The following ABTB3 variants were observed in gnomAD, a reference collection of about 807,000 sequenced individuals.
The protein encoded by ABTB3 is ankyrin repeat and BTB domain containing 3, also known as ankyrin repeat- and BTB/POZ domain-containing protein 3.
At chr12:107,591,920 A>G in the ABTB3 span, among the ~76,000 whole-genome samples, 1 of 152,218 alleles carries the variant, frequency 6.6e-6, no homozygotes, top group Non-Finnish European at 1.5e-5. Context: ...CCCATCTGGA[A>G]TATAAGTCAG....
chr12:107,378,819 C>G, the ABTB3 span, among the ~76,000 whole-genome samples: 1 of 152,208 alleles, frequency 6.6e-6, no homozygotes, highest in Admixed American at 6.5e-5. Context: ...GGGTCTTTGG[C>G]TGCATGCCAT....
At chr12:107,477,949 C>T in the ABTB3 span, among the ~76,000 whole-genome samples, 10 of 152,146 alleles carry the variant, frequency 6.6e-5, no homozygotes, top group African/African-American at 1.9e-4. Flanking sequence ...TCAGGACAAG[C>T]AAACTATGTC....
At chr12:107,643,041 G>C in the ABTB3 span, among the ~76,000 whole-genome samples, 9 of 152,076 alleles carry the variant, frequency 5.9e-5, no homozygotes, top group African/African-American at 1.7e-4. Context: ...GCACATGAAG[G>C]CTGTGTAGTC....
the ABTB3 span, among the ~76,000 whole-genome samples, chr12:107,582,597 A>T: frequency 6.6e-6 from 1 of 152,206 alleles, no homozygotes; most frequent in Admixed American, 6.5e-5. Context: ...TGTGACGGTT[A>T]TCAATTGCAA....
chr12:107,467,058 T>C, the ABTB3 span, among the ~76,000 whole-genome samples: 1 of 152,058 alleles, frequency 6.6e-6, no homozygotes, highest in African/African-American at 2.4e-5. Flanking sequence ...AGGATAAAAG[T>C]CAGGGTATTC....
At chr12:107,514,165 A>G in the ABTB3 span, among the ~76,000 whole-genome samples, 1 of 152,222 alleles carries the variant, frequency 6.6e-6, no homozygotes, top group East Asian at 1.9e-4. Context: ...CACAGAGGGC[A>G]GCTGCAGGAT....
chr12:107,413,159 A>C, the ABTB3 span, among the ~76,000 whole-genome samples: 60 of 152,236 alleles, frequency 3.9e-4, no homozygotes, highest in Admixed American at 7.2e-4. Context: ...CTGTAATCCC[A>C]GCTACTCAGG....
the ABTB3 span, among the ~76,000 whole-genome samples, chr12:107,380,187 G>A: frequency 6.6e-6 from 1 of 152,210 alleles, no homozygotes. Context: ...ACGAATGGGT[G>A]TCACTGGCCT....
chr12:107,543,554 T>C, the ABTB3 span, among the ~76,000 whole-genome samples: 1 of 152,138 alleles, frequency 6.6e-6, no homozygotes, highest in Admixed American at 6.5e-5. Context: ...ATAGAGAGCA[T>C]AGCCCATTCT....
chr12:107,333,166 G>C, the ABTB3 span, among the ~76,000 whole-genome samples: 2 of 152,284 alleles, frequency 1.3e-5, no homozygotes, highest in East Asian at 3.9e-4. Context: ...TGTATAAACA[G>C]AAGGCAGGGG....
the ABTB3 span, among the ~76,000 whole-genome samples, chr12:107,373,307 C>G: frequency 6.6e-6 from 1 of 152,086 alleles, no homozygotes; most frequent in African/African-American, 2.4e-5. Context: ...AAAGGCTGTT[C>G]CTAAATGTTT....
chr12:107,607,971 TC>T, the ABTB3 span, among the ~76,000 whole-genome samples: 1 of 152,060 alleles, frequency 6.6e-6, no homozygotes, highest in Non-Finnish European at 1.5e-5. Flanking sequence ...CACCCTTACT[TC>T]CACCACAAAG....
the ABTB3 span, among the ~76,000 whole-genome samples, chr12:107,479,475 T>C: frequency 6.6e-6 from 1 of 152,034 alleles, no homozygotes; most frequent in South Asian, 2.1e-4. Flanking sequence ...TATAGGGCTG[T>C]TGTGAGGGTT....
At chr12:107,405,744 G>C in the ABTB3 span, among the ~76,000 whole-genome samples, 1 of 152,250 alleles carries the variant, frequency 6.6e-6, no homozygotes, top group Non-Finnish European at 1.5e-5. Context: ...AGCCAAAGAA[G>C]TCTTCCTGCC....
chr12:107,418,310 A>T, the ABTB3 span, among the ~76,000 whole-genome samples: 42 of 152,158 alleles, frequency 2.8e-4, 1 homozygote, highest in South Asian at 8.7e-3. Flanking sequence ...CAGCTTTGGG[A>T]CTCGGACTGG....
chr12:107,491,616 A>C, the ABTB3 span, among the ~76,000 whole-genome samples: 59 of 152,274 alleles, frequency 3.9e-4, no homozygotes, highest in African/African-American at 1.3e-3. Flanking sequence ...GGAGGCCAGG[A>C]GTTTGAGACC....
the ABTB3 span, among the ~76,000 whole-genome samples, chr12:107,454,492 G>C: frequency 6.6e-6 from 1 of 152,208 alleles, no homozygotes; most frequent in Admixed American, 6.5e-5. Context: ...ACTTTCCATA[G>C]AATAGCAGAA....
the ABTB3 span, among the ~76,000 whole-genome samples, chr12:107,540,719 C>A: frequency 6.6e-6 from 1 of 152,074 alleles, no homozygotes; most frequent in Admixed American, 6.5e-5. Context: ...TGCTGTGGCT[C>A]ACTCATATAA....
the ABTB3 span, chr12:107,613,012 C>A: frequency 3.8e-6 from 3 of 794,012 alleles, no homozygotes; most frequent in South Asian, 1.8e-5. Flanking sequence ...CTTTTAGTTG[C>A]TGTGGCCCTG....
Sources: gnomAD v4.1 joint callset for allele counts (sites outside exome capture counted in the v4.1 genomes callset) on GRCh38, gnomAD v4.1.1 for gene constraint, MANE v1.5 for transcripts, NCBI Gene and HGNC (gene_info 2026-07-23, HGNC 2026-07-21) for gene names.